TANK: variants seen among roughly 807,000 people sequenced by gnomAD.
TANK encodes the protein TRAF family member-associated NF-kappa-B activator.
Under a neutral mutation model 43.6 loss-of-function variants are expected in TANK, and 15 were observed. The observed-to-expected ratio is 0.34, with a 90% CI of 0.23 to 0.53. The LOEUF (loss-of-function observed/expected upper bound fraction) is 0.53. TANK is among the 20% of genes least tolerant of loss of function. TANK has a pLI of 0.94. For synonymous variants in TANK, 162 were observed against 178.2 expected (o/e 0.91, Z 0.73); for missense variants, 417 against 498.6 (o/e 0.84, Z 1.56).
At chr2:161,138,109 C>A in intron 1 of TANK, 1 of 259,884 alleles carries the variant, frequency 3.8e-6, no homozygotes, top group Non-Finnish European at 6.0e-6. Flanking sequence ...TAAACTTACA[C>A]AGTTATAGTA....
At chr2:161,157,435 G>A (rs1280214436), upstream of TANK, among the ~76,000 whole-genome samples, 4 of 152,138 alleles carry the variant, frequency 2.6e-5, no homozygotes, top group African/African-American at 9.7e-5. Context: ...AGGCCATTGT[G>A]AGTTCTCATG....
At chr2:161,185,050 G>C (rs1263982081) in intron 2 of TANK, among the ~76,000 whole-genome samples, 1 of 152,114 alleles carries the variant, frequency 6.6e-6, no homozygotes, top group Admixed American at 6.6e-5. Flanking sequence ...TGGAGATTCA[G>C]AACATAGGTT....
intron 1 of TANK, among the ~76,000 whole-genome samples, chr2:161,167,155 C>G (rs1376492166): frequency 6.6e-6 from 1 of 152,208 alleles, no homozygotes; most frequent in Non-Finnish European, 1.5e-5. Context: ...GTCTCAACCA[C>G]CTACAAAAAA....
At position 161,224,668 on chromosome 2, in the gene TANK, G is replaced by A. The variant is rs773737286; in HGVS notation, c.442G>A (p.Glu148Lys). Residue 148 changes from glutamate (E) to lysine (K), a missense_variant, in exon 6 of 8, where the codon GAA becomes AAA. By Grantham distance (56) the Glu-to-Lys change is moderately conservative. Coordinates refer to ENST00000392749, the MANE Select transcript of TANK (RefSeq NM_001199135.3). Reference sequence around the variant, plus strand: ...GAAGACTTTCTGGGATCTGAAAGAAGAATTTCATAAAATATGCATGCTAGC... The same window carrying A: ...GAAGACTTTCTGGGATCTGAAAGAAAAATTTCATAAAATATGCATGCTAGC... ...IEKTFWDLKE[E>K]FHKICMLAKA... is the part of the protein sequence containing the mutation. The A allele has an allele frequency of 2.3e-5, 36 of 1,586,968 alleles. No homozygotes were observed. Among genetic ancestry groups the A allele is most frequent in the Admixed American group, 1.4e-4 (8 of 57,168 alleles).
chr2:161,171,957 T>C (rs1461331044), intron 1 of TANK, among the ~76,000 whole-genome samples: 1 of 152,200 alleles, frequency 6.6e-6, no homozygotes, highest in Non-Finnish European at 1.5e-5. Flanking sequence ...TGTACCACTC[T>C]TTTGAAAAAT....
At chr2:161,211,320 A>AGT (rs1686877428) in intron 4 of TANK, among the ~76,000 whole-genome samples, 1 of 152,184 alleles carries the variant, frequency 6.6e-6, no homozygotes, top group Non-Finnish European at 1.5e-5. Context: ...CTTCAAGTGC[A>AGT]GTGCCCACTT....
At chr2:161,170,477 C>T (rs1450202401) in intron 1 of TANK, among the ~76,000 whole-genome samples, 1 of 152,136 alleles carries the variant, frequency 6.6e-6, no homozygotes, top group African/African-American at 2.4e-5. Flanking sequence ...AATTAAAAAG[C>T]AGATCACTAT....
intron 1 of TANK, among the ~76,000 whole-genome samples, chr2:161,141,156 C>G (rs1448729828): frequency 1.3e-5 from 2 of 152,114 alleles, no homozygotes; most frequent in Non-Finnish European, 2.9e-5. Context: ...CCACCTCTAT[C>G]TAGTTTCAAA....
At chr2:161,139,587 T>G in intron 1 of TANK, 3 of 498,058 alleles carry the variant, frequency 6.0e-6, no homozygotes, top group Non-Finnish European at 7.8e-6. Flanking sequence ...TTATGAGCTA[T>G]GATTTATTGT....
At chr2:161,210,569 C>T (rs1426582360) in intron 4 of TANK, among the ~76,000 whole-genome samples, 12 of 151,872 alleles carry the variant, frequency 7.9e-5, no homozygotes, top group Admixed American at 7.9e-4. Flanking sequence ...TGGTGGCAGG[C>T]ACCTGTAATC....
At chr2:161,154,598 C>T (rs562100602) in intron 1 of TANK, among the ~76,000 whole-genome samples, 2 of 152,248 alleles carry the variant, frequency 1.3e-5, no homozygotes, top group East Asian at 1.9e-4. Flanking sequence ...AGAGTGTAAG[C>T]ATGCAAGAAA....
chr2:161,162,231 C>T (rs1408348814), intron 1 of TANK, among the ~76,000 whole-genome samples: 2 of 152,002 alleles, frequency 1.3e-5, no homozygotes, highest in Non-Finnish European at 2.9e-5. Context: ...TTTGATATTA[C>T]GTTTTCTAGT....
upstream of TANK, chr2:161,156,109 T>C: frequency 1.0e-6 from 1 of 985,446 alleles, no homozygotes; most frequent in Non-Finnish European, 1.2e-6. Context: ...ATATCTGTGG[T>C]TGCCGTCTCT....
chr2:161,197,681 T>C (rs543935035), intron 2 of TANK, among the ~76,000 whole-genome samples: 2 of 152,256 alleles, frequency 1.3e-5, no homozygotes, highest in Non-Finnish European at 2.9e-5. Context: ...AGATGAACAC[T>C]GTGTTCTCAT....
Position 161,231,313 on chromosome 2 carries a change from T to A in TANK, c.863T>A (p.Phe288Tyr). 1 of 1,614,176 alleles carries A rather than the reference T, an allele frequency of 6.2e-7. No individual in the cohort carries two copies. Among genetic ancestry groups the A allele is most frequent in the Non-Finnish European group, 8.5e-7 (1 of 1,180,018 alleles). Reference protein sequence around the residue: ...GNFVKTEETLFEIQGIDPIAS... With the variant: ...GNFVKTEETLYEIQGIDPIAS... ...TTTGTTAAAACAGAAGAAACTTTAT[T>A]TGAAATTCAGGGAATTGACCCCATA... Residue 288 changes from phenylalanine (F) to tyrosine (Y), a missense_variant, in exon 7 of 8, where the codon TTT becomes TAT. Physicochemically the swap from Phe to Tyr is conservative, Grantham distance 22. Transcript: ENST00000392749.
intron 1 of TANK, chr2:161,161,239 G>C (rs1366860290): frequency 6.5e-7 from 1 of 1,546,396 alleles, no homozygotes; most frequent in East Asian, 2.4e-5. Flanking sequence ...ACGAGCAAAA[G>C]TAAAGCAGCC....
chr2:161,210,048 G>A (rs1686810979), intron 4 of TANK, among the ~76,000 whole-genome samples: 1 of 152,140 alleles, frequency 6.6e-6, no homozygotes, highest in Admixed American at 6.5e-5. Flanking sequence ...AATGACGAGT[G>A]CAGTTACTGA....
intron 4 of TANK, chr2:161,212,681 C>T (rs1686944655): frequency 1.0e-6 from 1 of 985,144 alleles, no homozygotes; most frequent in South Asian, 4.7e-5. Flanking sequence ...CATCCCTTTT[C>T]TCACACTTCT....
intron 4 of TANK, among the ~76,000 whole-genome samples, chr2:161,217,785 C>T (rs557175167): frequency 6.6e-6 from 1 of 152,006 alleles, no homozygotes; most frequent in East Asian, 1.9e-4. Context: ...ATATAAAGAA[C>T]CCAGAAAATA....
Sources: allele counts gnomAD v4.1 joint callset (sites outside exome capture counted in the v4.1 genomes callset), GRCh38; gene constraint gnomAD v4.1.1; transcripts MANE v1.5; gene names NCBI Gene and HGNC (gene_info 2026-07-23, HGNC 2026-07-21).